The following PCDHGA11 variants were observed in gnomAD, a reference collection of about 807,000 sequenced individuals.
The protein encoded by PCDHGA11 is protocadherin gamma subfamily A, 11.
Under a neutral mutation model 60.4 loss-of-function variants are expected in PCDHGA11, and 39 were observed. That is an observed-to-expected ratio of 0.65 (90% CI 0.50 to 0.84). The LOEUF is 0.84. PCDHGA11 is among the 40% of genes least tolerant of loss of function. The pLI is 0.00. For missense variants in PCDHGA11, 1,165 were observed against 1,197.7 expected (o/e 0.97, Z 0.40); for synonymous variants, 533 against 510.3 (o/e 1.04, Z -0.60).
At position 141,427,625 on chromosome 5, in the gene PCDHGA11, T is replaced by G. The variant is rs150347956; in HGVS notation, c.2433+3965T>G. On this transcript the variant is annotated intron_variant, in intron 1 of 3. Coordinates refer to ENST00000398587, the MANE Select transcript of PCDHGA11 (RefSeq NM_018914.3). Reference sequence around the variant, plus strand: ...GCATTGGTGAAGTCAACGACAATGCTCCGGTTTTCCACCAAGTCTCCTACG... The same window carrying G: ...GCATTGGTGAAGTCAACGACAATGCGCCGGTTTTCCACCAAGTCTCCTACG... The G allele has an allele frequency of 2.7e-3, 1,907 of 699,068 alleles. 5 individuals are homozygous for G. The highest frequency in any genetic ancestry group is 4.1e-3 in the Non-Finnish European group (1,558 of 384,098). The allele number at this position is 699,068 out of a possible 1,614,324, so 43.3% of individuals were successfully genotyped here.
chr5:141,479,616 C>A (rs1371541860), intron 1 of PCDHGA11: 2 of 152,232 alleles, frequency 1.3e-5, no homozygotes, highest in African/African-American at 4.8e-5. Flanking sequence ...TATAGGGAAA[C>A]CATGTCTCTT....
chr5:141,454,097 C>T (rs1021353610), intron 1 of PCDHGA11, among the ~76,000 whole-genome samples: 10 of 152,292 alleles, frequency 6.6e-5, no homozygotes, highest in Middle Eastern at 3.4e-3. Flanking sequence ...TTGAATTGAA[C>T]ATAAATGGAG....
Position 141,485,286 on chromosome 5 carries a change from AG to A in PCDHGA11, c.2434-9520del. On this transcript the variant is annotated intron_variant, in intron 1 of 3. Coordinates refer to ENST00000398587, the MANE Select transcript of PCDHGA11 (RefSeq NM_018914.3). This position sits in a 1 kb window ranked among gnomAD's most constrained non-coding sequence, Gnocchi z 5.7. ...CAGATCCGCTACCCGGTCCCAGAGG[AG>A]TCACAGGAAGGGACTTTTGTAGGGA... The A allele has an allele frequency of 6.2e-7, 1 of 1,614,044 alleles. No homozygotes were observed. Among genetic ancestry groups the A allele is most frequent in the Non-Finnish European group, 8.5e-7 (1 of 1,179,928 alleles).
In PCDHGA11 at chr5:141,431,221, A is replaced by T; in HGVS notation, c.2433+7561A>T. 6.2e-7 allele frequency: 1 copy of T among 1,614,124 alleles called. No homozygotes were observed. The highest frequency in any genetic ancestry group is 8.5e-7 in the Non-Finnish European group (1 of 1,180,026). On this transcript the variant is annotated intron_variant, in intron 1 of 3. Transcript: ENST00000398587. The surrounding 1 kb of genome is among the most constrained non-coding windows in gnomAD (Gnocchi z 4.8). Reference sequence around the variant, plus strand: ...CAGCCACTGAGATGCGGTTCCCTCTACCCCACGCCTGGGATCCGGATATCG... The same window carrying T: ...CAGCCACTGAGATGCGGTTCCCTCTTCCCCACGCCTGGGATCCGGATATCG...
intron 1 of PCDHGA11, among the ~76,000 whole-genome samples, chr5:141,481,692 G>T (rs1231630072): frequency 6.6e-6 from 1 of 152,020 alleles, no homozygotes; most frequent in African/African-American, 2.4e-5. Context: ...GGTGGCTCAC[G>T]CCTGTAATCC....
rs143317584 is a variant in PCDHGA11 at position 141,432,282 on chromosome 5, A to G, written c.2433+8622A>G. 5.0e-5 allele frequency: 81 copies of G among 1,613,850 alleles called. No homozygotes were observed. The African/African-American group carries it at 6.4e-4, about 13-fold the overall frequency. ...AGCCTATCGTCCTACGTGTCCATCAACTCCGACACTGGGGTACTGTATGCG... is the reference window on the plus strand; with the variant it reads ...AGCCTATCGTCCTACGTGTCCATCAGCTCCGACACTGGGGTACTGTATGCG... On this transcript the variant is annotated intron_variant, in intron 1 of 3. Transcript: ENST00000398587. This position sits in a 1 kb window ranked among gnomAD's most constrained non-coding sequence, Gnocchi z 6.0.
At chr5:141,449,369 G>A (rs561017816) in intron 1 of PCDHGA11, among the ~76,000 whole-genome samples, 4 of 152,068 alleles carry the variant, frequency 2.6e-5, no homozygotes, top group South Asian at 4.2e-4. Flanking sequence ...CACTTTGGGA[G>A]GCTGAGGCAG....
At position 141,431,427 on chromosome 5, in the gene PCDHGA11, C is replaced by G. The variant is rs1269666597; in HGVS notation, c.2433+7767C>G. The stretch of plus-strand genomic sequence containing the variant: ...TCCGACGGGGGCGACCCGGTGCGCA[C>G]AGGCACCGCGCGCATCCGCGTGATG... On this transcript the variant is annotated intron_variant, in intron 1 of 3. Transcript: ENST00000398587. The surrounding 1 kb of genome is among the most constrained non-coding windows in gnomAD (Gnocchi z 4.8). 1.2e-6 allele frequency: 2 copies of G among 1,613,584 alleles called. No homozygotes were observed.
At chr5:141,427,923 C>T (rs2097089935) in intron 1 of PCDHGA11, 3 of 1,580,656 alleles carry the variant, frequency 1.9e-6, no homozygotes, top group African/African-American at 1.3e-5. Context: ...CATGAGCCGG[C>T]GCATGTTGGT....
intron 1 of PCDHGA11, among the ~76,000 whole-genome samples, chr5:141,445,277 A>G (rs769047096): frequency 6.6e-6 from 1 of 152,256 alleles, no homozygotes; most frequent in African/African-American, 2.4e-5. Flanking sequence ...ACCACTCTGC[A>G]TAAGTTCAGG....
chr5:141,478,435 G>A, intron 1 of PCDHGA11: 1 of 1,613,736 alleles, frequency 6.2e-7, no homozygotes, highest in Non-Finnish European at 8.5e-7. Context: ...ACCCGCTGCT[G>A]AAGAAACCTG....
At chr5:141,483,224 G>A (rs530779494) in intron 1 of PCDHGA11, among the ~76,000 whole-genome samples, 17 of 152,242 alleles carry the variant, frequency 1.1e-4, no homozygotes, top group Middle Eastern at 3.4e-3. Flanking sequence ...AGTCACTGCA[G>A]AAATTTGAAC....
Position 141,422,179 on chromosome 5 carries a change from A to G in PCDHGA11, c.952A>G (p.Met318Val), listed in dbSNP as rs757086661. The G allele has an allele frequency of 2.0e-5, 32 of 1,562,402 alleles. No homozygotes were observed. Among genetic ancestry groups the G allele is most frequent in the Non-Finnish European group, 2.6e-5 (30 of 1,159,048 alleles). ...TTTTGAAAAATATAGATTCTATGAG[A>G]TGGAAATTCAAGGCCAAGATGGTGG... is the stretch of plus-strand genomic sequence containing the variant. ...LDFEKYRFYE[M>V]EIQGQDGGGL... The change falls in exon 1 of 4, where the codon ATG becomes GTG. Residue 318 changes from methionine to valine, a missense_variant. Coordinates refer to ENST00000398587, the MANE Select transcript of PCDHGA11 (RefSeq NM_018914.3).
intron 1 of PCDHGA11, among the ~76,000 whole-genome samples, chr5:141,494,157 G>A (rs929922206): frequency 5.9e-5 from 9 of 152,312 alleles, no homozygotes; most frequent in African/African-American, 1.7e-4. Context: ...TGTCTGGCAC[G>A]GAGTTCTAGG....
chr5:141,428,145 A>G (rs748256830), intron 1 of PCDHGA11: 10 of 1,592,574 alleles, frequency 6.3e-6, no homozygotes, highest in African/African-American at 1.3e-5. Context: ...GGGGCTGCAC[A>G]CGGGAACCTG....
intron 1 of PCDHGA11, among the ~76,000 whole-genome samples, chr5:141,473,431 G>C (rs541546681): frequency 6.6e-6 from 1 of 152,148 alleles, no homozygotes; most frequent in South Asian, 2.1e-4. Context: ...CAGATACTTT[G>C]CTTATGCAAA....
chr5:141,489,425 G>A lies in PCDHGA11; in HGVS notation c.2434-5382G>A, dbSNP rs779739693. 18 of 1,614,000 alleles carry A rather than the reference G, an allele frequency of 1.1e-5. No homozygotes were observed. Among genetic ancestry groups the A allele is most frequent in the South Asian group, 5.5e-5 (5 of 91,074 alleles). The stretch of plus-strand genomic sequence containing the variant: ...TTAAAGATGACAGATCTGTTGAGCC[G>A]GCGGCTGCAATTGGGCTCTGAGGAG... On this transcript the variant is annotated intron_variant, in intron 1 of 3. Transcript: ENST00000398587. This position sits in a 1 kb window ranked among gnomAD's most constrained non-coding sequence, Gnocchi z 4.5.
At chr5:141,425,805 C>T (rs1419480761) in intron 1 of PCDHGA11, among the ~76,000 whole-genome samples, 1 of 152,158 alleles carries the variant, frequency 6.6e-6, no homozygotes, top group African/African-American at 2.4e-5. Context: ...TGCATTGCTT[C>T]TGCTTAGAAA....
In PCDHGA11 at chr5:141,487,774, C is replaced by T. The variant is rs1272776899; in HGVS notation, c.2434-7033C>T. 2.0e-6 allele frequency: 3 copies of T among 1,534,064 alleles called. 1 individual carries two copies. The highest frequency in any genetic ancestry group is 2.6e-6 in the Non-Finnish European group (3 of 1,135,588). On this transcript the variant is annotated intron_variant, in intron 1 of 3. Transcript: ENST00000398587. The surrounding 1 kb of genome is among the most constrained non-coding windows in gnomAD (Gnocchi z 5.0). Reference sequence around the variant, plus strand: ...ATGTGGTAGACGCTGTGCTTTGTAACTGTTTCGTGAATTAACCAGAGTTGT... The same window carrying T: ...ATGTGGTAGACGCTGTGCTTTGTAATTGTTTCGTGAATTAACCAGAGTTGT...
Sources: allele counts gnomAD v4.1 joint callset (sites outside exome capture counted in the v4.1 genomes callset), GRCh38; gene constraint gnomAD v4.1.1; non-coding constraint Gnocchi (gnomAD v3.1); transcripts MANE v1.5; gene names NCBI Gene and HGNC (gene_info 2026-07-23, HGNC 2026-07-21).